CCHCR1: variants seen among roughly 807,000 people sequenced by gnomAD.
CCHCR1 encodes the protein HCR (a-helix coiled-coil rod homologue).
CCHCR1 carries 91 observed loss-of-function variants against 114.6 expected under a neutral mutation model. The ratio of observed to expected loss-of-function variants is 0.79; its 90% CI spans 0.67 to 0.94. The LOEUF is 0.94. Ranked by LOEUF, CCHCR1 falls within the 40% of genes least tolerant of loss-of-function variation. CCHCR1 has a pLI of 0.00. For synonymous variants in CCHCR1, 379 were observed against 428.5 expected (o/e 0.88, Z 1.43); for missense variants, 899 against 1,079.9 (o/e 0.83, Z 2.35).
chr6:31,146,291 G>A (rs1774323387), intron 10 of CCHCR1, among the ~76,000 whole-genome samples: 1 of 152,162 alleles, frequency 6.6e-6, no homozygotes, highest in Non-Finnish European at 1.5e-5. Flanking sequence ...GTTCCAGTGA[G>A]CCAAGATCGC....
At position 31,157,608 on chromosome 6, in the gene CCHCR1, T is replaced by G. The variant is rs1173997194; in HGVS notation, c.-8A>C. 1 of 1,604,702 alleles carries G rather than the reference T, an allele frequency of 6.2e-7. No homozygotes were observed. The highest frequency in any genetic ancestry group is 2.2e-5 in the East Asian group (1 of 44,750). On this transcript the variant is annotated 5_prime_UTR_variant, in exon 1 of 18. Coordinates refer to ENST00000396268, the MANE Select transcript of CCHCR1 (RefSeq NM_001105564.2). ...AGCTGAATGTGGCCACATGCAGGGC[T>G]AGACCCTCCCCAAGACCTTGGGAAT...
intron 2 of CCHCR1, 23 bp from the exon 3 acceptor site, chr6:31,156,967 A>G: frequency 6.2e-7 from 1 of 1,612,250 alleles, no homozygotes; most frequent in Non-Finnish European, 8.5e-7. Context: ...AAAAACAAAG[A>G]TGGTCAGTTT....
upstream of CCHCR1, chr6:31,157,992 T>G: frequency 1.1e-5 from 3 of 272,170 alleles, no homozygotes; most frequent in Non-Finnish European, 2.2e-5. Flanking sequence ...ACTGCTCCCC[T>G]AGATACCCGA....
chr6:31,157,857 T>G, upstream of CCHCR1: 1 of 513,766 alleles, frequency 1.9e-6, no homozygotes. Flanking sequence ...GGATCCCTAC[T>G]CCCGTCCCTT....
Position 31,157,783 on chromosome 6 carries a change from T to G in CCHCR1, c.-183A>C. 1.7e-6 allele frequency: 1 copy of G among 602,782 alleles called. No individual in the cohort carries two copies. Among genetic ancestry groups the G allele is most frequent in the Non-Finnish European group, 2.9e-6 (1 of 340,058 alleles). The allele number at this position is 602,782 out of a possible 1,614,324, so 37.3% of individuals were successfully genotyped here. On this transcript the variant is annotated 5_prime_UTR_variant, in exon 1 of 18. Coordinates refer to ENST00000396268, the MANE Select transcript of CCHCR1 (RefSeq NM_001105564.2). ...CTCTTTCTCGAGTCCTAACACATAG[T>G]GGGCACTTTAAGATCTTCCTCCCAC...
Position 31,145,753 on chromosome 6 carries a change from G to A in CCHCR1, c.1636C>T (p.Leu546Phe). Residue 546 changes from leucine to phenylalanine, a missense_variant, in exon 11 of 18, where the codon CTT becomes TTT. Transcript: ENST00000396268. Reference sequence around the variant, plus strand: ...CTGAGTCGGTTGTTGAGGCTGGGAAGCTGGGCGGCAGCCCCTTCCACCTTA... The same window carrying A: ...CTGAGTCGGTTGTTGAGGCTGGGAAACTGGGCGGCAGCCCCTTCCACCTTA... Reference protein sequence around the residue: ...MAKVEGAAAQLPSLNNRLSYA... With the variant: ...MAKVEGAAAQFPSLNNRLSYA... The A allele has an allele frequency of 1.2e-6, 2 of 1,613,350 alleles. No individual in the cohort carries two copies. Among genetic ancestry groups the A allele is most frequent in the Non-Finnish European group, 1.7e-6 (2 of 1,180,020 alleles).
rs1216040774 is a variant in CCHCR1, at chr6:31,144,395, A to G, written c.2167+292T>C. The G allele has an allele frequency of 3.1e-6, 1 of 324,450 alleles. No homozygotes were observed. Among genetic ancestry groups the G allele is most frequent in the Non-Finnish European group, 5.6e-6 (1 of 179,432 alleles). The allele number at this position is 324,450 out of a possible 1,614,324, so 20.1% of individuals were successfully genotyped here. ...TTTTTAGTCGAGACAGGGTTTCGCCATGTTGTCCAGGCTGGCCTCAAACTC... is the reference window on the plus strand; with the variant it reads ...TTTTTAGTCGAGACAGGGTTTCGCCGTGTTGTCCAGGCTGGCCTCAAACTC... On this transcript the variant is annotated intron_variant, in intron 15 of 17. Coordinates refer to ENST00000396268, the MANE Select transcript of CCHCR1 (RefSeq NM_001105564.2). The surrounding 1 kb of genome is among the most constrained non-coding windows in gnomAD (Gnocchi z 4.6).
At position 31,148,461 on chromosome 6, in the gene CCHCR1, CT is replaced by C; in HGVS notation, c.1523del (p.Gln508ArgfsTer11). 6.2e-7 allele frequency: 1 copy of C among 1,612,920 alleles called. No homozygotes were observed. Reference protein sequence around the residue: ...SRAQEARRRWQQQTASAEEQL... With the variant: ...SRAQEARRRWXQQTASAEEQL... Reference sequence around the variant, plus strand: ...GCTCCTCGGCTGAGGCTGTCTGCTGCTGCCACCGACGCCTGGCCTCCTGAGC... The same window carrying C: ...GCTCCTCGGCTGAGGCTGTCTGCTGCGCCACCGACGCCTGGCCTCCTGAGC... On this transcript the variant is annotated frameshift_variant, in exon 10 of 18. Transcript: ENST00000396268. LOFTEE classifies it high-confidence loss of function.
rs1776279424 is a variant in CCHCR1 at position 31,157,683 on chromosome 6, T to C, written c.-83A>G. 1.9e-6 allele frequency: 2 copies of C among 1,079,538 alleles called. No individual in the cohort carries two copies. The highest frequency in any genetic ancestry group is 2.7e-6 in the Non-Finnish European group (2 of 744,118). 66.9% of individuals were successfully genotyped at this position (1,079,538 alleles called of 1,614,324 possible). A position where few individuals can be genotyped will look rare whatever the true frequency, so the allele number is the denominator to read the frequency against. The stretch of plus-strand genomic sequence containing the variant: ...GAAAAGCCAGCGTCCTGACATCTTA[T>C]TCAAATCTTTCCTGCGGCTGTTCTC... On this transcript the variant is annotated 5_prime_UTR_variant, in exon 1 of 18. Transcript: ENST00000396268.
Position 31,143,482 on chromosome 6 carries a change from A to ACC in CCHCR1, c.2168-70_2168-69insGG. On this transcript the variant is annotated intron_variant, in intron 15 of 17. Coordinates refer to ENST00000396268, the MANE Select transcript of CCHCR1 (RefSeq NM_001105564.2). This position sits in a 1 kb window ranked among gnomAD's most constrained non-coding sequence, Gnocchi z 5.3. ...CCAGAGGCAGCCAGGCACCATGAAG[A>ACC]CAGGAACAAACGCTGGGTCACCAAC... The ACC allele has an allele frequency of 6.5e-7, 1 of 1,545,568 alleles. No individual in the cohort carries two copies. Among genetic ancestry groups the ACC allele is most frequent in the South Asian group, 1.2e-5 (1 of 86,738 alleles).
intron 3 of CCHCR1, among the ~76,000 whole-genome samples, chr6:31,155,375 C>T (rs1438364025): frequency 3.9e-5 from 6 of 151,918 alleles, no homozygotes; most frequent in African/African-American, 9.7e-5. Flanking sequence ...GAGGCCGAGG[C>T]GGGCGGATCA....
At position 31,145,714 on chromosome 6, in the gene CCHCR1, T is replaced by A; in HGVS notation, c.1675A>T (p.Lys559Ter). Residue 559 changes from lysine to a stop codon, truncating the protein, a stop_gained, in exon 11 of 18, where the codon AAG (lysine) becomes TAG (stop). Transcript: ENST00000396268. LOFTEE classifies it high-confidence loss of function. ...LNNRLSYAVR[K>*]VHTIRGLIAR... ...TACGCACCCCGAATGGTGTGGACCT[T>A]GCGGACAGCATAGCTGAGTCGGTTG... 1 of 1,613,576 alleles carries A rather than the reference T, an allele frequency of 6.2e-7. No homozygotes were observed. The highest frequency in any genetic ancestry group is 1.1e-5 in the South Asian group (1 of 91,054).
intron 2 of CCHCR1, 24 bp downstream of exon 2, chr6:31,156,999 C>T: frequency 6.2e-7 from 1 of 1,610,990 alleles, no homozygotes; most frequent in East Asian, 2.2e-5. Flanking sequence ...ACAACCACCA[C>T]TCCCCTTGTC....
At chr6:31,149,963 G>C (rs1774972403) in intron 8 of CCHCR1, 103 bp downstream of exon 8, 1 of 1,300,572 alleles carries the variant, frequency 7.7e-7, no homozygotes, top group Non-Finnish European at 1.1e-6. Flanking sequence ...TGTGTGCCCA[G>C]CATGTGGCAA....
In CCHCR1 at chr6:31,145,026, G is replaced by A; in HGVS notation, c.1924C>T (p.Gln642Ter). The change falls in exon 14 of 18, where the codon CAG becomes TAG. Residue 642 changes from glutamine (Q) to a stop codon, truncating the protein, a stop_gained. Transcript: ENST00000396268. LOFTEE classifies it high-confidence loss of function. ...QLSKVAQQLE[Q>*]ELQQTQESLA... ...GACTCCTGGGTCTGCTGCAGCTCCT[G>A]CTCCAGCTGCTGGGCCACCTTGCTC... The A allele has an allele frequency of 1.2e-6, 2 of 1,604,614 alleles. No individual in the cohort carries two copies. The highest frequency in any genetic ancestry group is 1.7e-6 in the Non-Finnish European group (2 of 1,179,338).
chr6:31,151,378 G>T lies in CCHCR1; in HGVS notation c.802-256C>A, dbSNP rs1385233045. On this transcript the variant is annotated intron_variant, in intron 4 of 17. Transcript: ENST00000396268. The surrounding 1 kb of genome is among the most constrained non-coding windows in gnomAD (Gnocchi z 4.1). ...TGCCACCAACCCTCATCTTTTGCCTGGGCAACAGCGACCATCTCCTAACTA... is the reference window on the plus strand; with the variant it reads ...TGCCACCAACCCTCATCTTTTGCCTTGGCAACAGCGACCATCTCCTAACTA... Among the ~76,000 whole-genome samples the T allele has an allele frequency of 3.9e-5, 6 of 152,156 alleles. No homozygotes were observed. The highest frequency in any genetic ancestry group is 1.4e-4 in the African/African-American group (6 of 41,422).
chr6:31,145,922 G>A (rs1774267342), intron 10 of CCHCR1, 114 bp from the exon 11 acceptor site: 3 of 650,338 alleles, frequency 4.6e-6, no homozygotes, highest in South Asian at 3.6e-5. Flanking sequence ...AGTACAGAAC[G>A]CACAGCTTCC....
At position 31,150,275 on chromosome 6, in the gene CCHCR1, G is replaced by A; in HGVS notation, c.1213-60C>T. The stretch of plus-strand genomic sequence containing the variant: ...CCTGGGGGAGGAGAGGAAGGAGGTG[G>A]CATCTTTGTTTCTCCTCTGTCCTGC... On this transcript the variant is annotated intron_variant, in intron 7 of 17. Coordinates refer to ENST00000396268, the MANE Select transcript of CCHCR1 (RefSeq NM_001105564.2). The surrounding 1 kb of genome is among the most constrained non-coding windows in gnomAD (Gnocchi z 5.3). 6.4e-7 allele frequency: 1 copy of A among 1,568,666 alleles called. No individual in the cohort carries two copies. The highest frequency in any genetic ancestry group is 8.7e-7 in the Non-Finnish European group (1 of 1,143,886).
rs760168783 is a variant in CCHCR1 at position 31,148,489 on chromosome 6, C to T, written c.1496G>A (p.Arg499His). 1.3e-5 allele frequency: 21 copies of T among 1,612,512 alleles called. No individual in the cohort carries two copies. The Admixed American group carries it at 1.3e-4, about 10-fold the overall frequency. The change falls in exon 10 of 18, where the codon CGT (arginine) becomes CAT (histidine). Residue 499 changes from arginine (R) to histidine (H), a missense_variant. Coordinates refer to ENST00000396268, the MANE Select transcript of CCHCR1 (RefSeq NM_001105564.2). ...GAKGLQLELS[R>H]AQEARRRWQQ... ...CCACCGACGCCTGGCCTCCTGAGCA[C>T]GGCTCAGCTCCAACTGCAGGCCCTG...
Sources: allele counts gnomAD v4.1 joint callset (sites outside exome capture counted in the v4.1 genomes callset), GRCh38; gene constraint gnomAD v4.1.1; non-coding constraint Gnocchi (gnomAD v3.1); transcripts MANE v1.5; gene names NCBI Gene and HGNC (gene_info 2026-07-23, HGNC 2026-07-21).